Variants in OTUD5 observed in about 807,000 individuals in gnomAD.
OTUD5 encodes OTU deubiquitinase 5, also known as OTU domain-containing protein 5.
A neutral mutation model predicts 36.3 loss-of-function variants in OTUD5; 2 were observed. The ratio of observed to expected loss-of-function variants is 0.06; its 90% CI spans 0.02 to 0.17. OTUD5 has a LOEUF of 0.17. OTUD5 is among the 10% of genes least tolerant of loss of function. OTUD5 has a pLI of 1.00. For synonymous variants in OTUD5, 234 were observed against 214.9 expected, an observed-to-expected ratio of 1.09 and a Z score of -0.78; for missense variants, 233 against 512.3, an observed-to-expected ratio of 0.45 and a Z score of 5.26.
In OTUD5 at chrX:48,935,027, G is replaced by A; in HGVS notation, c.689-9C>T. On this transcript the variant is annotated splice_polypyrimidine_tract_variant and intron_variant, in intron 2 of 8. Transcript: ENST00000376488. ...TCCATACACCTGGTCAGCTGTGGGG[G>A]CAGAAGAAAGCAGCAGCTAGGGTCA... is the stretch of plus-strand genomic sequence containing the variant. The A allele has an allele frequency of 8.3e-7, 1 of 1,199,291 alleles. No individual in the cohort carries two copies. The highest frequency in any genetic ancestry group is 3.0e-5 in the East Asian group (1 of 33,736).
At chrX:48,929,563 A>T (rs2063719902) in intron 5 of OTUD5, among the ~76,000 whole-genome samples, 3 of 107,743 alleles carry the variant, frequency 2.8e-5, no homozygotes, top group African/African-American at 1.0e-4. Context: ...TCTACTAAAA[A>T]TACAAAAATT....
Position 48,947,524 on chromosome X carries a change from G to C in OTUD5, c.595-3241C>G, listed in dbSNP as rs781947638. Among the ~76,000 whole-genome samples the C allele has an allele frequency of 1.1e-4, 12 of 109,254 alleles. No individual in the cohort carries two copies. In the Middle Eastern group the frequency reaches 0.014, roughly 127 times the overall value. 94.9% of individuals were successfully genotyped at this position (109,254 alleles called of 115,157 possible). A position where few individuals can be genotyped will look rare whatever the true frequency, so the allele number is the denominator to read the frequency against. ...TTGAGACCAGCCTGACCAACATGGA[G>C]AAACCCCGTCTCTACTGAAAAATAC... On this transcript the variant is annotated intron_variant, in intron 1 of 8. Coordinates refer to ENST00000376488, the MANE Select transcript of OTUD5 (RefSeq NM_001136157.2).
rs1212174412 is a variant in OTUD5 at position 48,922,441 on chromosome X, C to T, written c.*733G>A. On this transcript the variant is annotated 3_prime_UTR_variant, in exon 9 of 9. Coordinates refer to ENST00000376488, the MANE Select transcript of OTUD5 (RefSeq NM_001136157.2). ...AAGGTCAGGGTTTCATTGTCCAAGC[C>T]GGCCTGACACCTGCCGCCCTGCCCT... 6.7e-6 allele frequency: 4 copies of T among 600,392 alleles called. No individual in the cohort carries two copies. The highest frequency in any genetic ancestry group is 5.0e-5 in the African/African-American group (2 of 40,032). 49.5% of individuals were successfully genotyped at this position (600,392 alleles called of 1,213,427 possible).
chrX:48,937,762 A>C (rs2063851677), intron 2 of OTUD5, among the ~76,000 whole-genome samples: 1 of 112,607 alleles, frequency 8.9e-6, no homozygotes, highest in African/African-American at 3.2e-5. Flanking sequence ...CAAGCACCTA[A>C]GGCACAGTAG....
At chrX:48,937,194 A>G (rs946739669) in intron 2 of OTUD5, among the ~76,000 whole-genome samples, 1 of 111,665 alleles carries the variant, frequency 9.0e-6, no homozygotes, top group Non-Finnish European at 1.9e-5. Context: ...CGGCATTTCC[A>G]GCAAGTCACA....
intron 5 of OTUD5, among the ~76,000 whole-genome samples, chrX:48,929,446 C>T (rs1003262545): frequency 2.7e-5 from 3 of 109,705 alleles, no homozygotes; most frequent in East Asian, 5.7e-4. Context: ...CTATGGCCAG[C>T]GCGGTGGCTC....
At chrX:48,923,419 AC>A (rs1252574976) in intron 8 of OTUD5, 124 bp from the exon 9 acceptor site, 26 of 607,543 alleles carry the variant, frequency 4.3e-5, no homozygotes, top group Non-Finnish European at 5.5e-5. Flanking sequence ...CTTTCTCAAA[AC>A]AGAAGGATCT....
At chrX:48,935,044 C>T in intron 2 of OTUD5, 26 bp from the exon 3 acceptor site, 1 of 1,177,355 alleles carries the variant, frequency 8.5e-7, no homozygotes, top group Non-Finnish European at 1.2e-6. Context: ...AAAGCAGCAG[C>T]TAGGGTCAGA....
chrX:48,935,938 CAAAAAAAA>C (rs3030315), intron 2 of OTUD5, among the ~76,000 whole-genome samples: 2 of 37,101 alleles, frequency 5.4e-5, no homozygotes, highest in Non-Finnish European at 4.9e-5. Flanking sequence ...GACTCTGTCT[CAAAAAAAA>C]AAAAAAAAAA....
intron 2 of OTUD5, among the ~76,000 whole-genome samples, chrX:48,942,156 G>A (rs932373023): frequency 9.4e-6 from 1 of 106,002 alleles, no homozygotes; most frequent in Non-Finnish European, 1.9e-5. Context: ...CTCTTGATAC[G>A]AGTTACTACA....
At chrX:48,937,547 A>G (rs1289043443) in intron 2 of OTUD5, among the ~76,000 whole-genome samples, 2 of 112,274 alleles carry the variant, frequency 1.8e-5, no homozygotes, top group Non-Finnish European at 3.8e-5. Flanking sequence ...GGAACAGGGA[A>G]GGGATCTGGG....
At chrX:48,949,753 T>G (rs2064100097) in intron 1 of OTUD5, among the ~76,000 whole-genome samples, 1 of 111,131 alleles carries the variant, frequency 9.0e-6, no homozygotes, top group African/African-American at 3.3e-5. Context: ...CTCAGGAGGC[T>G]GAGGCTGGAG....
chrX:48,946,556 G>C (rs995030818), intron 1 of OTUD5, among the ~76,000 whole-genome samples: 7 of 112,211 alleles, frequency 6.2e-5, no homozygotes, highest in African/African-American at 2.3e-4. Flanking sequence ...ACACCTGGAA[G>C]CCCTTAATGA....
intron 2 of OTUD5, among the ~76,000 whole-genome samples, chrX:48,935,831 TG>T (rs1324727028): frequency 3.8e-5 from 4 of 104,787 alleles, no homozygotes; most frequent in Non-Finnish European, 7.8e-5. Flanking sequence ...CCCAGCTACT[TG>T]GGAGGCTGAA....
chrX:48,945,960 A>G (rs915776533), intron 1 of OTUD5, among the ~76,000 whole-genome samples: 3 of 111,434 alleles, frequency 2.7e-5, no homozygotes, highest in Non-Finnish European at 5.7e-5. Context: ...TGGCTACCAG[A>G]AGCAGCCAGC....
chrX:48,935,135 C>T, intron 2 of OTUD5, 117 bp from the exon 3 acceptor site: 2 of 707,992 alleles, frequency 2.8e-6, no homozygotes, highest in Non-Finnish European at 4.3e-6. Flanking sequence ...CCTTTTCTAC[C>T]CCAAGGCCTG....
intron 1 of OTUD5, among the ~76,000 whole-genome samples, chrX:48,954,297 G>T (rs1389815393): frequency 1.8e-5 from 2 of 110,733 alleles, no homozygotes; most frequent in East Asian, 5.6e-4. Context: ...TATAAGGGAG[G>T]GACTGCAAGG....
intron 1 of OTUD5, among the ~76,000 whole-genome samples, chrX:48,946,483 C>G (rs1315155993): frequency 5.4e-5 from 6 of 111,827 alleles, no homozygotes; most frequent in Non-Finnish European, 1.1e-4. Context: ...GAATACCCAG[C>G]CAGTCCCATC....
chrX:48,943,098 G>C (rs368844030), intron 2 of OTUD5, among the ~76,000 whole-genome samples: 4 of 111,709 alleles, frequency 3.6e-5, no homozygotes, highest in Middle Eastern at 4.6e-3. Flanking sequence ...TGTCACAGCA[G>C]TTATGAGTCA....
Sources: allele counts gnomAD v4.1 joint callset (sites outside exome capture counted in the v4.1 genomes callset), GRCh38; gene constraint gnomAD v4.1.1; transcripts MANE v1.5; gene names NCBI Gene and HGNC (gene_info 2026-07-23, HGNC 2026-07-21).